Variants in CCSER1 observed in about 807,000 individuals in gnomAD.
CCSER1 encodes the protein coiled-coil serine rich protein 1.
CCSER1 carries 41 observed loss-of-function variants against 82.0 expected under a neutral mutation model. The ratio of observed to expected loss-of-function variants is 0.50; its 90% CI spans 0.39 to 0.65. The LOEUF (loss-of-function observed/expected upper bound fraction) is 0.65, where lower values mean the gene tolerates loss of function less well. Among genes scored for constraint, CCSER1 ranks in the 30% least tolerant of loss-of-function variants. The probability of loss-of-function intolerance (pLI) is 0.00; values close to 1 mark genes in which losing one functional copy is unlikely to be tolerated. For synonymous variants in CCSER1, 414 were observed against 383.9 expected (o/e 1.08, Z -0.92); for missense variants, 1,119 against 1,064.2 (o/e 1.05, Z -0.72).
intron 9 of CCSER1, among the ~76,000 whole-genome samples, chr4:91,023,600 T>C (rs901522226): frequency 2.0e-5 from 3 of 152,092 alleles, no homozygotes; most frequent in Non-Finnish European, 4.4e-5. Context: ...AACTGGCTAG[T>C]CATATGCAGA....
At chr4:91,067,969 G>A (rs1431304441) in intron 9 of CCSER1, among the ~76,000 whole-genome samples, 1 of 152,054 alleles carries the variant, frequency 6.6e-6, no homozygotes, top group African/African-American at 2.4e-5. Context: ...CTTCTTGACT[G>A]GTACATCCTG....
chr4:90,531,376 G>T (rs1358199868), intron 5 of CCSER1, among the ~76,000 whole-genome samples: 1 of 148,308 alleles, frequency 6.7e-6, no homozygotes, highest in African/African-American at 2.5e-5. Context: ...TCCTTAGTGA[G>T]ATTCATACAC....
chr4:90,285,585 A>G (rs530821352), intron 1 of CCSER1, among the ~76,000 whole-genome samples: 5 of 152,216 alleles, frequency 3.3e-5, no homozygotes, highest in Admixed American at 3.3e-4. Flanking sequence ...ATTATCTGCA[A>G]TCAAAGATAA....
Position 90,942,771 on chromosome 4 carries a change from GAGAAAAGCAATTATTGC to G in CCSER1, c.2172+19327_2172+19343del, listed in dbSNP as rs1221427474. 2.6e-5 allele frequency among the ~76,000 whole-genome samples: 4 copies of G among 151,508 alleles called. No individual in the cohort carries two copies. In the East Asian group the frequency reaches 7.7e-4, roughly 29 times the overall value. On this transcript the variant is annotated intron_variant, in intron 9 of 10. Coordinates refer to ENST00000509176, the MANE Select transcript of CCSER1 (RefSeq NM_001145065.2). ...GGTGAATGCTAATTTTATCCTGATG[GAGAAAAGCAATTATTGC>G]AGCAGGGGTAAAAAGATTGCTTCTT...
At chr4:91,444,114 T>A (rs1755396689) in intron 10 of CCSER1, among the ~76,000 whole-genome samples, 1 of 152,166 alleles carries the variant, frequency 6.6e-6, no homozygotes, top group Non-Finnish European at 1.5e-5. Flanking sequence ...ATGGTATGAT[T>A]TATTGATGGG....
chr4:90,242,066 G>A (rs549098885), intron 1 of CCSER1, among the ~76,000 whole-genome samples: 2 of 152,268 alleles, frequency 1.3e-5, no homozygotes, highest in South Asian at 4.1e-4. Context: ...CAGCACTTTT[G>A]GAAGCCGAGG....
intron 9 of CCSER1, among the ~76,000 whole-genome samples, chr4:91,079,417 G>A (rs1181950038): frequency 6.6e-6 from 1 of 152,158 alleles, no homozygotes; most frequent in Non-Finnish European, 1.5e-5. Context: ...AAGAGCTCTG[G>A]AAGGAAGTAC....
rs575311395 is a variant in CCSER1 at position 90,790,964 on chromosome 4, A to T, written c.2011-24798A>T. Among the ~76,000 whole-genome samples, 6 of 152,276 alleles carry T rather than the reference A, an allele frequency of 3.9e-5. No homozygotes were observed. The South Asian group carries it at 1.0e-3, about 26-fold the overall frequency. ...GAATGTACTGTATTAGTCTGCTCTC[A>T]TGCTGCTATGAAGAAGTACTCAAGA... On this transcript the variant is annotated intron_variant, in intron 7 of 10. Transcript: ENST00000509176.
intron 10 of CCSER1, among the ~76,000 whole-genome samples, chr4:91,484,055 T>TAAAA (rs70965500): frequency 5.3e-5 from 7 of 130,974 alleles, no homozygotes; most frequent in South Asian, 2.5e-4. Flanking sequence ...GCCTATTCTC[T>TAAAA]AAAAAAAAAA....
chr4:91,082,127 A>T (rs757966668), intron 9 of CCSER1, among the ~76,000 whole-genome samples: 23 of 152,204 alleles, frequency 1.5e-4, no homozygotes, highest in Non-Finnish European at 3.2e-4. Flanking sequence ...AGCCAAAAGA[A>T]CAAAGTTGGA....
At chr4:90,137,984 G>A (rs183915312) in intron 1 of CCSER1, among the ~76,000 whole-genome samples, 8 of 152,282 alleles carry the variant, frequency 5.3e-5, no homozygotes, top group Admixed American at 1.3e-4. Flanking sequence ...GTGTATGTTA[G>A]TATCAAATCT....
chr4:90,904,119 A>G (rs921250073), intron 8 of CCSER1, among the ~76,000 whole-genome samples: 2 of 151,916 alleles, frequency 1.3e-5, no homozygotes, highest in African/African-American at 4.8e-5. Context: ...TCTTGGTTTT[A>G]TCTTTTCCTT....
intron 4 of CCSER1, among the ~76,000 whole-genome samples, chr4:90,451,646 T>C (rs191674138): frequency 5.9e-5 from 9 of 152,314 alleles, no homozygotes; most frequent in African/African-American, 1.9e-4. Context: ...CTGAAGTGTG[T>C]ATCCCTGAGA....
chr4:90,212,781 C>CA (rs1272070265), intron 1 of CCSER1, among the ~76,000 whole-genome samples: 8 of 152,154 alleles, frequency 5.3e-5, no homozygotes, highest in Non-Finnish European at 1.2e-4. Flanking sequence ...AAGATGTTCA[C>CA]AAAAGGTCTT....
chr4:90,176,160 T>A (rs1732624647), intron 1 of CCSER1, among the ~76,000 whole-genome samples: 1 of 151,986 alleles, frequency 6.6e-6, no homozygotes, highest in Admixed American at 6.6e-5. Context: ...GGATGCTTAA[T>A]GGTCAGAATA....
chr4:90,667,449 C>T (rs1021858020), intron 6 of CCSER1, among the ~76,000 whole-genome samples: 4 of 152,178 alleles, frequency 2.6e-5, no homozygotes, highest in African/African-American at 9.6e-5. Flanking sequence ...ACCCATCAAC[C>T]CATCATATAC....
At position 90,996,354 on chromosome 4, in the gene CCSER1, C is replaced by T. The variant is rs942624320; in HGVS notation, c.2172+72907C>T. On this transcript the variant is annotated intron_variant, in intron 9 of 10. Coordinates refer to ENST00000509176, the MANE Select transcript of CCSER1 (RefSeq NM_001145065.2). ...ATCTTAATAAATTTGCTGGGCTATA[C>T]ATTTTATAAATTGACTTCCTAAGAC... Among the ~76,000 whole-genome samples the T allele has an allele frequency of 2.6e-5, 4 of 152,170 alleles. No individual in the cohort carries two copies. The South Asian group carries it at 6.2e-4, about 24-fold the overall frequency.
intron 5 of CCSER1, among the ~76,000 whole-genome samples, chr4:90,570,110 G>A (rs1779923313): frequency 6.6e-6 from 1 of 152,158 alleles, no homozygotes; most frequent in Non-Finnish European, 1.5e-5. Context: ...CCTCTCCCCA[G>A]CTCTAAGAAT....
rs1176535062 is a variant in CCSER1, at chr4:91,025,611, C to G, written c.2173-60339C>G. On this transcript the variant is annotated intron_variant, in intron 9 of 10. Coordinates refer to ENST00000509176, the MANE Select transcript of CCSER1 (RefSeq NM_001145065.2). Reference sequence around the variant, plus strand: ...AAGTCATTTTGTGGCAAAGCTGAACCCCCTGAAACTTCTCTAATCAGTAAG... The same window carrying G: ...AAGTCATTTTGTGGCAAAGCTGAACGCCCTGAAACTTCTCTAATCAGTAAG... 3.3e-5 allele frequency among the ~76,000 whole-genome samples: 5 copies of G among 152,132 alleles called. No individual in the cohort carries two copies. The East Asian group carries it at 9.7e-4, about 29-fold the overall frequency.
Sources: gnomAD v4.1 joint callset for allele counts (sites outside exome capture counted in the v4.1 genomes callset) on GRCh38, gnomAD v4.1.1 for gene constraint, MANE v1.5 for transcripts, NCBI Gene and HGNC (gene_info 2026-07-23, HGNC 2026-07-21) for gene names.